TASP1: variants seen among roughly 807,000 people sequenced by gnomAD.
TASP1 encodes the protein threonine aspartase 1.
TASP1 carries 16 observed loss-of-function variants against 56.6 expected under a neutral mutation model. The ratio of observed to expected loss-of-function variants is 0.28; its 90% confidence interval spans 0.19 to 0.43. The LOEUF is 0.43. Ranked by LOEUF, TASP1 falls within the 20% of genes least tolerant of loss-of-function variation. The probability of loss-of-function intolerance (pLI) is 1.00; values close to 1 mark genes in which losing one functional copy is unlikely to be tolerated. For synonymous variants in TASP1, 179 were observed against 184.2 expected (o/e 0.97, Z 0.23); for missense variants, 393 against 511.6 (o/e 0.77, Z 2.24).
At chr20:13,207,590 A>G in the TASP1 span, among the ~76,000 whole-genome samples, 1 of 152,220 alleles carries the variant, frequency 6.6e-6, no homozygotes, top group African/African-American at 2.4e-5. Context: ...CTGATGGTGT[A>G]CGTCCCAGTT....
intron 12 of TASP1, among the ~76,000 whole-genome samples, chr20:13,425,919 A>T (rs773302538): frequency 6.6e-6 from 1 of 152,164 alleles, no homozygotes; most frequent in Admixed American, 6.5e-5. Context: ...TTGACTTGGC[A>T]TGCTTCCCTG....
intron 10 of TASP1, among the ~76,000 whole-genome samples, chr20:13,494,044 A>T (rs904963283): frequency 2.0e-5 from 3 of 152,198 alleles, no homozygotes; most frequent in Admixed American, 1.3e-4. Flanking sequence ...TGGGAAACAG[A>T]GTATATGTAT....
intron 4 of TASP1, among the ~76,000 whole-genome samples, chr20:13,607,440 T>C (rs960914014): frequency 1.3e-5 from 2 of 152,236 alleles, no homozygotes; most frequent in Non-Finnish European, 2.9e-5. Context: ...GGCTCCAGGG[T>C]ATACTGCATC....
the TASP1 span, among the ~76,000 whole-genome samples, chr20:13,332,535 T>C: frequency 6.6e-6 from 1 of 152,200 alleles, no homozygotes; most frequent in African/African-American, 2.4e-5. Context: ...TTTGGATCTA[T>C]AGCTCATACA....
the TASP1 span, among the ~76,000 whole-genome samples, chr20:13,123,820 G>C: frequency 6.6e-6 from 1 of 152,126 alleles, no homozygotes; most frequent in Non-Finnish European, 1.5e-5. Context: ...ACAGGTCCAC[G>C]TAAGCCTCCA....
At chr20:13,187,273 C>T in the TASP1 span, among the ~76,000 whole-genome samples, 1 of 151,616 alleles carries the variant, frequency 6.6e-6, no homozygotes, top group Non-Finnish European at 1.5e-5. Flanking sequence ...TAATGGAATA[C>T]CAGAAGGAAA....
chr20:13,630,900 T>C (rs2049063605), intron 1 of TASP1, among the ~76,000 whole-genome samples: 1 of 152,114 alleles, frequency 6.6e-6, no homozygotes, highest in Admixed American at 6.5e-5. Context: ...TCAATATGTG[T>C]AGTTTTCACA....
intron 4 of TASP1, among the ~76,000 whole-genome samples, chr20:13,618,548 T>C (rs560783957): frequency 5.3e-5 from 8 of 152,350 alleles, no homozygotes; most frequent in Admixed American, 2.0e-4. Context: ...AAGTTATTCT[T>C]AAAGGACTTC....
At chr20:13,336,603 T>C in the TASP1 span, among the ~76,000 whole-genome samples, 2 of 152,194 alleles carry the variant, frequency 1.3e-5, no homozygotes, top group Non-Finnish European at 2.9e-5. Flanking sequence ...AGACACATCA[T>C]GAAAGTTTGA....
intron 10 of TASP1, among the ~76,000 whole-genome samples, chr20:13,495,204 A>G (rs1165543436): frequency 1.3e-5 from 2 of 152,086 alleles, no homozygotes. Context: ...GGTCATTTTG[A>G]TCTCTTTAAA....
chr20:13,559,050 T>C lies in TASP1; in HGVS notation c.633A>G (p.Thr211=). 1 of 1,597,176 alleles carries C rather than the reference T, an allele frequency of 6.3e-7. No individual in the cohort carries two copies. The highest frequency in any genetic ancestry group is 1.3e-5 in the African/African-American group (1 of 74,606). ...TTCTTTTCTTTAGTTGCATAAAATC[T>C]GTGTCCACCCTTTCTGCCAGCTCTA... ...RKLELAERVD[T]DFMQLKKRRQ... Residue 211 remains threonine (T), a synonymous_variant, in exon 8 of 14, where the codon ACA becomes ACG. Coordinates refer to ENST00000337743, the MANE Select transcript of TASP1 (RefSeq NM_017714.3).
At chr20:13,538,909 C>T (rs1421859157) in intron 8 of TASP1, among the ~76,000 whole-genome samples, 2 of 151,958 alleles carry the variant, frequency 1.3e-5, no homozygotes, top group Non-Finnish European at 2.9e-5. Flanking sequence ...ATTAGCTAGG[C>T]ATGGTGGTGT....
the TASP1 span, among the ~76,000 whole-genome samples, chr20:13,198,855 T>TTTCTTTCC: frequency 4.0e-5 from 3 of 74,642 alleles, no homozygotes; most frequent in East Asian, 4.0e-4. Context: ...TCTTTCTTTC[T>TTTCTTTCC]TTCCTTCCTT....
chr20:13,561,649 G>A (rs1316172612), intron 7 of TASP1, among the ~76,000 whole-genome samples: 2 of 152,110 alleles, frequency 1.3e-5, no homozygotes, highest in Non-Finnish European at 2.9e-5. Context: ...TTACAGGTAT[G>A]AGCCACCATG....
intron 2 of TASP1, among the ~76,000 whole-genome samples, chr20:13,629,288 T>C (rs1204562980): frequency 3.4e-5 from 5 of 146,696 alleles, no homozygotes; most frequent in Admixed American, 2.1e-4. Flanking sequence ...TGCTTGAACT[T>C]GGGAGGTGGA....
At chr20:13,446,830 C>T (rs1368456052) in intron 11 of TASP1, among the ~76,000 whole-genome samples, 2 of 152,118 alleles carry the variant, frequency 1.3e-5, no homozygotes, top group Non-Finnish European at 2.9e-5. Context: ...AACAATATAA[C>T]TCAGAGATCC....
At chr20:13,388,405 A>T (rs1456410459), downstream of TASP1, among the ~76,000 whole-genome samples, 1 of 152,174 alleles carries the variant, frequency 6.6e-6, no homozygotes, top group Non-Finnish European at 1.5e-5. Flanking sequence ...TTAAAAAAAA[A>T]ATGTAGAAAA....
the TASP1 span, among the ~76,000 whole-genome samples, chr20:13,289,932 C>G: frequency 1.3e-5 from 2 of 152,160 alleles, no homozygotes; most frequent in Non-Finnish European, 2.9e-5. Flanking sequence ...CCCCAGACTT[C>G]CTTTTTCTAC....
chr20:13,263,707 G>A, the TASP1 span, among the ~76,000 whole-genome samples: 568 of 152,278 alleles, frequency 3.7e-3, 1 homozygote, highest in African/African-American at 0.012. Flanking sequence ...TGTGGAAGGC[G>A]CACAGCCATG....
Sources: allele counts gnomAD v4.1 joint callset (sites outside exome capture counted in the v4.1 genomes callset), GRCh38; gene constraint gnomAD v4.1.1; transcripts MANE v1.5; gene names NCBI Gene and HGNC (gene_info 2026-07-23, HGNC 2026-07-21).